The following TSHZ3 variants were observed in gnomAD, a reference collection of about 807,000 sequenced individuals.
The protein encoded by TSHZ3 is teashirt homolog 3.
Under a neutral mutation model 64.5 loss-of-function variants are expected in TSHZ3, and 10 were observed. The observed-to-expected ratio is 0.16, with a 90% CI of 0.10 to 0.26. The LOEUF (loss-of-function observed/expected upper bound fraction) is 0.26. TSHZ3 is among the 10% of genes least tolerant of loss of function. The pLI is 1.00. For synonymous variants in TSHZ3, 608 were observed against 593.1 expected (o/e 1.03, Z -0.36); for missense variants, 1,242 against 1,421.7 (o/e 0.87, Z 2.03).
intron 5 of TSHZ3, among the ~76,000 whole-genome samples, chr19:31,157,906 A>G (rs1303393611): frequency 6.6e-6 from 1 of 152,204 alleles, no homozygotes; most frequent in Non-Finnish European, 1.5e-5. Flanking sequence ...GCTGCTTCTA[A>G]GACCGCTTTT....
chr19:31,313,867 TG>T (rs2145157738), intron 1 of TSHZ3, among the ~76,000 whole-genome samples: 1 of 152,320 alleles, frequency 6.6e-6, no homozygotes, highest in South Asian at 2.1e-4. Context: ...TCCGGGTACC[TG>T]CATCCTGGCA....
At chr19:31,230,941 A>T (rs1044072807) in intron 3 of TSHZ3, among the ~76,000 whole-genome samples, 1 of 151,422 alleles carries the variant, frequency 6.6e-6, no homozygotes, top group Non-Finnish European at 1.5e-5. Flanking sequence ...TGACCTCGTG[A>T]TCCTCCAGCC....
chr19:31,340,540 A>T (rs1240392091), intron 1 of TSHZ3, among the ~76,000 whole-genome samples: 1 of 144,252 alleles, frequency 6.9e-6, no homozygotes, highest in Non-Finnish European at 1.5e-5. Context: ...GGAGGAGGGG[A>T]GAGGGAGGGC....
chr19:31,196,416 G>A (rs1974994598), intron 5 of TSHZ3, among the ~76,000 whole-genome samples: 1 of 151,932 alleles, frequency 6.6e-6, no homozygotes, highest in South Asian at 2.1e-4. Flanking sequence ...CAAGAACAAA[G>A]GGAAAGAGCA....
intron 3 of TSHZ3, among the ~76,000 whole-genome samples, chr19:31,229,206 T>C (rs1975508721): frequency 6.6e-6 from 1 of 152,200 alleles, no homozygotes; most frequent in Non-Finnish European, 1.5e-5. Flanking sequence ...CCTGACAAAA[T>C]GATTCTAAAT....
At position 31,307,707 on chromosome 19, in the gene TSHZ3, G is replaced by A. The variant is rs919350216; in HGVS notation, c.41-27955C>T. Among the ~76,000 whole-genome samples the A allele has an allele frequency of 5.3e-5, 8 of 152,172 alleles. No homozygotes were observed. The East Asian group carries it at 7.7e-4, about 15-fold the overall frequency. On this transcript the variant is annotated intron_variant, in intron 1 of 1. Coordinates refer to ENST00000240587, the MANE Select transcript of TSHZ3 (RefSeq NM_020856.4). ...GATAATACACAATTTTAGCACTGAC[G>A]CTTGGCTGATTTAGGTGTTCGGCCA...
intron 1 of TSHZ3, among the ~76,000 whole-genome samples, chr19:31,259,112 A>G (rs1453669958): frequency 6.6e-6 from 1 of 152,190 alleles, no homozygotes; most frequent in Non-Finnish European, 1.5e-5. Context: ...TGATGTTCTT[A>G]TTTGCAGTAA....
At chr19:31,164,234 G>T (rs1252539693) in intron 5 of TSHZ3, among the ~76,000 whole-genome samples, 1 of 152,076 alleles carries the variant, frequency 6.6e-6, no homozygotes, top group African/African-American at 2.4e-5. Flanking sequence ...CCAGAACATC[G>T]CACTATTGCC....
intron 5 of TSHZ3, among the ~76,000 whole-genome samples, chr19:31,169,309 T>A (rs754627277): frequency 6.6e-6 from 1 of 152,244 alleles, no homozygotes; most frequent in Non-Finnish European, 1.5e-5. Context: ...ATTGAAGAGA[T>A]ACTTGTACAC....
intron 1 of TSHZ3, among the ~76,000 whole-genome samples, chr19:31,298,966 G>A (rs1455022817): frequency 1.3e-5 from 2 of 152,290 alleles, no homozygotes; most frequent in East Asian, 3.9e-4. Context: ...AGGCCGAGGT[G>A]GGTGGACCAC....
intron 1 of TSHZ3, among the ~76,000 whole-genome samples, chr19:31,323,791 C>T (rs761160583): frequency 6.6e-6 from 1 of 151,836 alleles, no homozygotes; most frequent in Non-Finnish European, 1.5e-5. Context: ...CACTGCCACA[C>T]ACCTCAGAAA....
intron 5 of TSHZ3, among the ~76,000 whole-genome samples, chr19:31,199,417 A>AG (rs1310755781): frequency 4.3e-5 from 5 of 117,418 alleles, no homozygotes; most frequent in African/African-American, 1.6e-4. Context: ...AAAAAAAAAA[A>AG]AAAAAGAAAA....
chr19:31,254,336 C>T (rs773076495), intron 1 of TSHZ3, among the ~76,000 whole-genome samples: 11 of 152,140 alleles, frequency 7.2e-5, no homozygotes, highest in South Asian at 2.1e-4. Context: ...CCAGCACGGC[C>T]GGGCCTGCAG....
At chr19:31,350,584 G>A (rs1258940462), upstream of TSHZ3, among the ~76,000 whole-genome samples, 2 of 151,688 alleles carry the variant, frequency 1.3e-5, no homozygotes, top group African/African-American at 4.8e-5. Context: ...GGCCTGCCGG[G>A]GCTGCTGGAC....
At chr19:31,154,592 A>G (rs1261678378) in intron 6 of TSHZ3, among the ~76,000 whole-genome samples, 1 of 152,116 alleles carries the variant, frequency 6.6e-6, no homozygotes, top group African/African-American at 2.4e-5. Flanking sequence ...AAGGAAGAAG[A>G]CTCTCAGCAA....
chr19:31,206,681 G>C (rs1599582958), intron 4 of TSHZ3, among the ~76,000 whole-genome samples: 1 of 152,240 alleles, frequency 6.6e-6, no homozygotes, highest in East Asian at 1.9e-4. Flanking sequence ...TTTGATAATA[G>C]TAGACATCAG....
At chr19:31,341,592 C>G (rs1235672257) in intron 1 of TSHZ3, among the ~76,000 whole-genome samples, 1 of 151,252 alleles carries the variant, frequency 6.6e-6, no homozygotes, top group East Asian at 1.9e-4. Context: ...TCTCTGTTCA[C>G]CTGCTAGCAT....
intron 5 of TSHZ3, among the ~76,000 whole-genome samples, chr19:31,196,939 ACAC>A (rs1693439715): frequency 6.6e-6 from 1 of 152,024 alleles, no homozygotes; most frequent in Non-Finnish European, 1.5e-5. Context: ...GTTGAGCTCA[ACAC>A]CACCATCAAT....
At chr19:31,159,032 CT>C (rs1177030958) in intron 5 of TSHZ3, among the ~76,000 whole-genome samples, 1 of 152,182 alleles carries the variant, frequency 6.6e-6, no homozygotes, top group Non-Finnish European at 1.5e-5. Flanking sequence ...CGGACTCTGG[CT>C]TTGTCACCCA....
Sources: gnomAD v4.1 joint callset for allele counts (sites outside exome capture counted in the v4.1 genomes callset) on GRCh38, gnomAD v4.1.1 for gene constraint, MANE v1.5 for transcripts, NCBI Gene and HGNC (gene_info 2026-07-23, HGNC 2026-07-21) for gene names.